Variants in NRP1 observed in about 807,000 individuals in gnomAD.
The protein encoded by NRP1 is neuropilin 1, also known as neuropilin-1.
NRP1 carries 35 observed loss-of-function variants against 106.7 expected under a neutral mutation model. That is an observed-to-expected ratio of 0.33 (90% CI 0.25 to 0.43). The LOEUF is 0.43. NRP1 is among the 20% of genes least tolerant of loss of function. The pLI is 1.00. For synonymous variants in NRP1, 437 were observed against 417.9 expected, an observed-to-expected ratio of 1.05 and a Z score of -0.56; for missense variants, 1,024 against 1,170.4, an observed-to-expected ratio of 0.87 and a Z score of 1.83.
intron 4 of NRP1, among the ~76,000 whole-genome samples, chr10:33,262,887 G>A (rs986021000): frequency 1.3e-5 from 2 of 152,018 alleles, no homozygotes; most frequent in South Asian, 2.1e-4. Context: ...TATTTGTAAC[G>A]TGCATTGTTT....
chr10:33,228,985 T>C (rs1010781017), intron 6 of NRP1, among the ~76,000 whole-genome samples: 2 of 152,200 alleles, frequency 1.3e-5, no homozygotes, highest in South Asian at 4.1e-4. Context: ...TGATGAATGT[T>C]TTAAACTTCC....
chr10:33,274,993 C>T lies in NRP1; in HGVS notation c.249-4137G>A, dbSNP rs79155924. 5.4e-3 allele frequency among the ~76,000 whole-genome samples: 818 copies of T among 152,206 alleles called. 10 individuals are homozygous for T. The highest frequency in any genetic ancestry group is 0.017 in the African/African-American group (723 of 41,524). ...GTGCTGCCGTCCAAGAATTAACTTA[C>T]GTATCCCACAAAAGAGAACAGATTT... On this transcript the variant is annotated intron_variant, in intron 2 of 16. Coordinates refer to ENST00000374867, the MANE Select transcript of NRP1 (RefSeq NM_003873.7).
chr10:33,216,492 C>T (rs539305366), intron 8 of NRP1, among the ~76,000 whole-genome samples: 11 of 151,864 alleles, frequency 7.2e-5, no homozygotes, highest in Non-Finnish European at 7.4e-5. Flanking sequence ...CTCACTCTGT[C>T]ACCCAGGCTG....
At chr10:33,271,954 T>G (rs543338468) in intron 2 of NRP1, among the ~76,000 whole-genome samples, 1 of 152,350 alleles carries the variant, frequency 6.6e-6, no homozygotes, top group East Asian at 1.9e-4. Flanking sequence ...TTCCAACCTT[T>G]GTTTTATTTC....
At position 33,270,630 on chromosome 10, in the gene NRP1, A is replaced by G. The variant is rs190521433; in HGVS notation, c.430+45T>C. ...GGGTGAGCCACCACACTCGGCCTAAATGAACTCTTAGTCATTCTTGTTCTA... is the reference window on the plus strand; with the variant it reads ...GGGTGAGCCACCACACTCGGCCTAAGTGAACTCTTAGTCATTCTTGTTCTA... On this transcript the variant is annotated intron_variant, in intron 3 of 16. Coordinates refer to ENST00000374867, the MANE Select transcript of NRP1 (RefSeq NM_003873.7). The G allele has an allele frequency of 2.0e-5, 30 of 1,522,678 alleles. No homozygotes were observed. The African/African-American group carries it at 3.8e-4, about 19-fold the overall frequency. The allele number at this position is 1,522,678 out of a possible 1,614,324, so 94.3% of individuals were successfully genotyped here. A position where few individuals can be genotyped will look rare whatever the true frequency, so the allele number is the denominator to read the frequency against.
intron 6 of NRP1, among the ~76,000 whole-genome samples, chr10:33,243,119 A>G (rs185175784): frequency 1.3e-4 from 20 of 152,272 alleles, no homozygotes; most frequent in African/African-American, 4.8e-4. Flanking sequence ...GCACTTTCTT[A>G]CAAGATAGCA....
At chr10:33,333,834 G>T (rs976891478) in intron 1 of NRP1, among the ~76,000 whole-genome samples, 5 of 152,140 alleles carry the variant, frequency 3.3e-5, no homozygotes, top group Admixed American at 6.5e-5. Context: ...AAAGGCGGGG[G>T]AGGGAGTTTC....
At chr10:33,293,730 C>T (rs1845171738) in intron 2 of NRP1, among the ~76,000 whole-genome samples, 1 of 152,198 alleles carries the variant, frequency 6.6e-6, no homozygotes, top group African/African-American at 2.4e-5. Flanking sequence ...CTGCTAAAAA[C>T]GTGCTCGCGT....
intron 9 of NRP1, chr10:33,212,155 G>A (rs1380974702): frequency 1.3e-5 from 2 of 152,174 alleles, no homozygotes; most frequent in African/African-American, 2.4e-5. Context: ...GAATGTTTTT[G>A]TGTTGAGATT....
rs751216542 is a variant in NRP1 at position 33,180,032 on chromosome 10, C to G, written c.*44G>C. 6.3e-7 allele frequency: 1 copy of G among 1,589,144 alleles called. No homozygotes were observed. Among genetic ancestry groups the G allele is most frequent in the Admixed American group, 1.7e-5 (1 of 59,176 alleles). On this transcript the variant is annotated 3_prime_UTR_variant, in exon 17 of 17. Coordinates refer to ENST00000374867, the MANE Select transcript of NRP1 (RefSeq NM_003873.7). ...AACAGCTCCCCAGCTCACTCCCGTC[C>G]TTCCACTTCCGTCCTTTGACTGTCT... is the stretch of plus-strand genomic sequence containing the variant.
chr10:33,213,553 C>G lies in NRP1; in HGVS notation c.1447G>C (p.Glu483Gln). The change falls in exon 9 of 17, where the codon GAG becomes CAG. Residue 483 changes from glutamate (E) to glutamine (Q), a missense_variant. Physicochemically the swap from Glu to Gln is conservative, Grantham distance 29. Coordinates refer to ENST00000374867, the MANE Select transcript of NRP1 (RefSeq NM_003873.7). Reference protein sequence around the residue: ...LPPAPHSYINEWLQIDLGEEK... With the variant: ...LPPAPHSYINQWLQIDLGEEK... Reference sequence around the variant, plus strand: ...TCCCCCAGGTCTATTTGGAGCCACTCATTGATGTAGGAATGAGGTGCGGGT... The same window carrying G: ...TCCCCCAGGTCTATTTGGAGCCACTGATTGATGTAGGAATGAGGTGCGGGT... 1 of 1,614,060 alleles carries G rather than the reference C, an allele frequency of 6.2e-7. No individual in the cohort carries two copies. Among genetic ancestry groups the G allele is most frequent in the Non-Finnish European group, 8.5e-7 (1 of 1,180,004 alleles).
intron 6 of NRP1, among the ~76,000 whole-genome samples, 185 bp downstream of exon 6, chr10:33,253,843 A>G (rs1842021941): frequency 6.6e-6 from 1 of 152,112 alleles, no homozygotes; most frequent in African/African-American, 2.4e-5. Flanking sequence ...CGATGGGCTC[A>G]TTTTGCAGTG....
At chr10:33,295,603 G>A (rs1390824308) in intron 2 of NRP1, among the ~76,000 whole-genome samples, 1 of 152,064 alleles carries the variant, frequency 6.6e-6, no homozygotes, top group Non-Finnish European at 1.5e-5. Context: ...CAGCTACTTG[G>A]GAGGCTGAGG....
At chr10:33,244,687 A>T (rs141358643) in intron 6 of NRP1, among the ~76,000 whole-genome samples, 14 of 152,310 alleles carry the variant, frequency 9.2e-5, no homozygotes, top group African/African-American at 3.1e-4. Context: ...GTTATTAACC[A>T]ATAGACAGCC....
chr10:33,310,105 G>C (rs1846473313), intron 2 of NRP1, among the ~76,000 whole-genome samples: 1 of 151,380 alleles, frequency 6.6e-6, no homozygotes, highest in African/African-American at 2.4e-5. Flanking sequence ...CCGCCACCAC[G>C]CCCGGCTAAT....
intron 2 of NRP1, among the ~76,000 whole-genome samples, chr10:33,289,759 G>T (rs1462920453): frequency 6.6e-6 from 1 of 151,974 alleles, no homozygotes; most frequent in Non-Finnish European, 1.5e-5. Context: ...CTTCAATTAG[G>T]CACCAAGCAT....
chr10:33,182,929 G>A (rs1443281553), intron 15 of NRP1, among the ~76,000 whole-genome samples, 181 bp from the exon 16 acceptor site: 3 of 151,738 alleles, frequency 2.0e-5, no homozygotes, highest in Non-Finnish European at 2.9e-5. Context: ...CAATAAAGAG[G>A]CAATGTTAAA....
chr10:33,188,185 C>T (rs904730554), intron 13 of NRP1, among the ~76,000 whole-genome samples: 1 of 152,116 alleles, frequency 6.6e-6, no homozygotes, highest in African/African-American at 2.4e-5. Context: ...GCCTCTGTCC[C>T]CTCAATCTTA....
chr10:33,312,639 C>T (rs542328656), intron 2 of NRP1, among the ~76,000 whole-genome samples: 2 of 152,346 alleles, frequency 1.3e-5, no homozygotes, highest in East Asian at 3.9e-4. Flanking sequence ...TGATAGACCA[C>T]AATTTCAGAA....
Sources: allele counts gnomAD v4.1 joint callset (sites outside exome capture counted in the v4.1 genomes callset), GRCh38; gene constraint gnomAD v4.1.1; transcripts MANE v1.5; gene names NCBI Gene and HGNC (gene_info 2026-07-23, HGNC 2026-07-21).